VPS33B: variants seen among roughly 807,000 people sequenced by gnomAD.
The protein encoded by VPS33B is VPS33B late endosome and lysosome associated, also known as vacuolar protein sorting-associated protein 33B.
Under a neutral mutation model 95.3 loss-of-function variants are expected in VPS33B, and 80 were observed. That is an observed-to-expected ratio of 0.84 (90% CI 0.70 to 1.01). The LOEUF is 1.01. VPS33B is among the 50% of genes least tolerant of loss of function. The pLI is 0.00. For missense variants in VPS33B, 715 were observed against 773.4 expected (o/e 0.92, Z 0.90); for synonymous variants, 280 against 280.4 (o/e 1.00, Z 0.01).
rs58230462 is a variant in VPS33B, at chr15:91,011,990, AAAAACAAAACAAAAC to A, written c.357+1799_357+1813del. On this transcript the variant is annotated intron_variant, in intron 5 of 22. Coordinates refer to ENST00000333371, the MANE Select transcript of VPS33B (RefSeq NM_018668.5). The surrounding 1 kb of genome is among the most constrained non-coding windows in gnomAD (Gnocchi z 5.5). ...GGTGACAGAGCAATGCACTGTCTCC[AAAAACAAAACAAAAC>A]AAAACAAAACAAAACAAGACAAGAC... Among the ~76,000 whole-genome samples the A allele has an allele frequency of 5.4e-5, 8 of 149,384 alleles. No homozygotes were observed. Among genetic ancestry groups the A allele is most frequent in the East Asian group, 2.0e-4 (1 of 4,968 alleles).
In VPS33B at chr15:91,006,534, T is replaced by A; in HGVS notation, c.779-89A>T. ...CTGCCATAAAGGTCCTCAAACTATT[T>A]GGAAGCCAGCAGTTCATTCAGGGTC... On this transcript the variant is annotated intron_variant, in intron 10 of 22. Transcript: ENST00000333371. The surrounding 1 kb of genome is among the most constrained non-coding windows in gnomAD (Gnocchi z 5.4). 1 of 1,609,910 alleles carries A rather than the reference T, an allele frequency of 6.2e-7. No homozygotes were observed. The highest frequency in any genetic ancestry group is 8.5e-7 in the Non-Finnish European group (1 of 1,176,230).
rs2040843493 is a variant in VPS33B at position 91,013,722 on chromosome 15, G to A, written c.357+82C>T. 8 of 1,399,442 alleles carry A rather than the reference G, an allele frequency of 5.7e-6. No individual in the cohort carries two copies. The highest frequency in any genetic ancestry group is 7.1e-6 in the Non-Finnish European group (7 of 986,022). 86.7% of individuals were successfully genotyped at this position (1,399,442 alleles called of 1,614,324 possible). ...AACAGAAAACGAACGGAGACAGGGAGGTAGTGCTGTTGGCCCCTTACCCCT... is the reference window on the plus strand; with the variant it reads ...AACAGAAAACGAACGGAGACAGGGAAGTAGTGCTGTTGGCCCCTTACCCCT... On this transcript the variant is annotated intron_variant, in intron 5 of 22. Coordinates refer to ENST00000333371, the MANE Select transcript of VPS33B (RefSeq NM_018668.5). This position sits in a 1 kb window ranked among gnomAD's most constrained non-coding sequence, Gnocchi z 4.5.
rs779022850 is a variant in VPS33B, at chr15:91,005,979, C to T, written c.933G>A (p.Gln311=). The part of the protein sequence containing the change: ...LSQKARNLQA[Q]YDRRRGMDIK... ...GCAGGGCTTGGAGCCTCACATCATA[C>T]TGGGCCTGCAAGTTCCGGGCCTTCT... The change falls in exon 12 of 23, where the codon CAG becomes CAA. Residue 311 remains glutamine, a synonymous_variant. Coordinates refer to ENST00000333371, the MANE Select transcript of VPS33B (RefSeq NM_018668.5). The surrounding 1 kb of genome is among the most constrained non-coding windows in gnomAD (Gnocchi z 6.4). 2.5e-6 allele frequency: 4 copies of T among 1,614,116 alleles called. No homozygotes were observed. The South Asian group carries it at 4.4e-5, about 18-fold the overall frequency.
At position 90,999,735 on chromosome 15, in the gene VPS33B, G is replaced by A. The variant is rs1756143881; in HGVS notation, c.1716C>T (p.Phe572=). The A allele has an allele frequency of 6.2e-7, 1 of 1,613,994 alleles. No individual in the cohort carries two copies. The highest frequency in any genetic ancestry group is 1.3e-5 in the African/African-American group (1 of 74,908). The change falls in exon 22 of 23, where the codon TTC becomes TTT. Residue 572 remains phenylalanine, a synonymous_variant. Coordinates refer to ENST00000333371, the MANE Select transcript of VPS33B (RefSeq NM_018668.5). The surrounding 1 kb of genome is among the most constrained non-coding windows in gnomAD (Gnocchi z 5.1). ...SESLRLILVV[F]LGGCTFSEIS... Reference sequence around the variant, plus strand: ...TCTCAGAGAATGTACAACCACCCAAGAACACCACCAAGATGAGGCGCAGGG... The same window carrying A: ...TCTCAGAGAATGTACAACCACCCAAAAACACCACCAAGATGAGGCGCAGGG...
chr15:91,017,686 C>A, intron 2 of VPS33B, 119 bp downstream of exon 2: 1 of 956,998 alleles, frequency 1.0e-6, no homozygotes. Context: ...CCTTTTCTAC[C>A]CAATTAAGCT....
chr15:91,008,535 G>A (rs895305094), intron 6 of VPS33B, among the ~76,000 whole-genome samples: 1 of 152,162 alleles, frequency 6.6e-6, no homozygotes, highest in Non-Finnish European at 1.5e-5. Context: ...AAAGTGCTGG[G>A]ATTACAGGTG....
chr15:91,000,480 A>G lies in VPS33B; in HGVS notation c.1581+10T>C. 3 of 1,607,950 alleles carry G rather than the reference A, an allele frequency of 1.9e-6. No homozygotes were observed. The highest frequency in any genetic ancestry group is 2.6e-6 in the Non-Finnish European group (3 of 1,175,198). On this transcript the variant is annotated intron_variant, in intron 20 of 22. Coordinates refer to ENST00000333371, the MANE Select transcript of VPS33B (RefSeq NM_018668.5). The surrounding 1 kb of genome is among the most constrained non-coding windows in gnomAD (Gnocchi z 4.9). ...AAATATGAATGGGAGCAAGAATTACATGCTCTCACCTGCTCAATGATTCGG... is the reference window on the plus strand; with the variant it reads ...AAATATGAATGGGAGCAAGAATTACGTGCTCTCACCTGCTCAATGATTCGG...
Position 91,013,063 on chromosome 15 carries a change from T to C in VPS33B, c.357+741A>G, listed in dbSNP as rs896398309. ...AGGGAGGGTGATGATTTATCGTATT[T>C]ATTCTTAAAGGGATACAGGGAGAAA... On this transcript the variant is annotated intron_variant, in intron 5 of 22. Coordinates refer to ENST00000333371, the MANE Select transcript of VPS33B (RefSeq NM_018668.5). This position sits in a 1 kb window ranked among gnomAD's most constrained non-coding sequence, Gnocchi z 4.5. Among the ~76,000 whole-genome samples, 3 of 152,178 alleles carry C rather than the reference T, an allele frequency of 2.0e-5. No homozygotes were observed. The highest frequency in any genetic ancestry group is 7.2e-5 in the African/African-American group (3 of 41,432).
rs751371703 is a variant in VPS33B, at chr15:91,005,933, C to G, written c.939+40G>C. ...CAAGGGCAGCAGCCTTGGGAAGCCACTGAGGCAACAAAACAGAGGAGCAGG... is the reference window on the plus strand; with the variant it reads ...CAAGGGCAGCAGCCTTGGGAAGCCAGTGAGGCAACAAAACAGAGGAGCAGG... On this transcript the variant is annotated intron_variant, in intron 12 of 22. Transcript: ENST00000333371. This position sits in a 1 kb window ranked among gnomAD's most constrained non-coding sequence, Gnocchi z 6.4. The G allele has an allele frequency of 3.1e-6, 5 of 1,612,572 alleles. No homozygotes were observed. Among genetic ancestry groups the G allele is most frequent in the South Asian group, 1.1e-5 (1 of 90,880 alleles).
In VPS33B at chr15:91,006,734, AAC is replaced by A. The variant is rs2040617319; in HGVS notation, c.701-7_701-6del. 4 of 1,614,156 alleles carry A rather than the reference AAC, an allele frequency of 2.5e-6. No homozygotes were observed. Among genetic ancestry groups the A allele is most frequent in the Non-Finnish European group, 3.4e-6 (4 of 1,180,014 alleles). Reference sequence around the variant, plus strand: ...GTGCTGTCACAAAGTCCACATCTGAAACAGAGATCCCTGACCATGAAGGTTCT... The same window carrying A: ...GTGCTGTCACAAAGTCCACATCTGAAAGAGATCCCTGACCATGAAGGTTCT... On this transcript the variant is annotated splice_region_variant and splice_polypyrimidine_tract_variant and intron_variant, in intron 9 of 22. Transcript: ENST00000333371. The surrounding 1 kb of genome is among the most constrained non-coding windows in gnomAD (Gnocchi z 5.4).
chr15:91,003,674 A>G (rs1294385763), intron 16 of VPS33B, among the ~76,000 whole-genome samples: 1 of 152,022 alleles, frequency 6.6e-6, no homozygotes, highest in Admixed American at 6.6e-5. Flanking sequence ...TCCTGATCTC[A>G]AGATCCGCCT....
At position 91,005,963 on chromosome 15, in the gene VPS33B, G is replaced by A. The variant is rs1486968682; in HGVS notation, c.939+10C>T. Reference sequence around the variant, plus strand: ...GCAACAAAACAGAGGAGCAGGGCTTGGAGCCTCACATCATACTGGGCCTGC... The same window carrying A: ...GCAACAAAACAGAGGAGCAGGGCTTAGAGCCTCACATCATACTGGGCCTGC... On this transcript the variant is annotated intron_variant, in intron 12 of 22. Transcript: ENST00000333371. This position sits in a 1 kb window ranked among gnomAD's most constrained non-coding sequence, Gnocchi z 6.4. The A allele has an allele frequency of 1.9e-6, 3 of 1,614,010 alleles. No homozygotes were observed. In the Admixed American group the frequency reaches 5.0e-5, roughly 27 times the overall value.
Position 91,009,718 on chromosome 15 carries a change from G to A in VPS33B, c.403+83C>T, listed in dbSNP as rs1218715707. On this transcript the variant is annotated intron_variant, in intron 6 of 22. Coordinates refer to ENST00000333371, the MANE Select transcript of VPS33B (RefSeq NM_018668.5). The surrounding 1 kb of genome is among the most constrained non-coding windows in gnomAD (Gnocchi z 4.1). ...AAAAGAAGGAGCTGGTGGTGGGGGT[G>A]GGGTGGGGGGGTTGGAGAACAACAA... 6 of 1,407,014 alleles carry A rather than the reference G, an allele frequency of 4.3e-6. No homozygotes were observed. The South Asian group carries it at 7.4e-5, about 17-fold the overall frequency. 87.2% of individuals were successfully genotyped at this position (1,407,014 alleles called of 1,614,324 possible). A position where few individuals can be genotyped will look rare whatever the true frequency, so the allele number is the denominator to read the frequency against.
rs1375674375 is a variant in VPS33B at position 91,009,167 on chromosome 15, G to C, written c.403+634C>G. ...GTGGGAGCCTTGGAAGGTGAGAAAA[G>C]AGTGGCTGGTCATTTCCAACTCTAA... On this transcript the variant is annotated intron_variant, in intron 6 of 22. Transcript: ENST00000333371. This position sits in a 1 kb window ranked among gnomAD's most constrained non-coding sequence, Gnocchi z 4.1. Among the ~76,000 whole-genome samples, 1 of 152,178 alleles carries C rather than the reference G, an allele frequency of 6.6e-6. No homozygotes were observed. Among genetic ancestry groups the C allele is most frequent in the African/African-American group, 2.4e-5 (1 of 41,430 alleles).
chr15:91,002,299 A>G lies in VPS33B; in HGVS notation c.1273-117T>C. ...CCTCTGCTGCAGTGTGAAGGAGCTC[A>G]CACTTTGTTGAGATAAATTTTCACA... On this transcript the variant is annotated intron_variant, in intron 17 of 22. Coordinates refer to ENST00000333371, the MANE Select transcript of VPS33B (RefSeq NM_018668.5). This position sits in a 1 kb window ranked among gnomAD's most constrained non-coding sequence, Gnocchi z 4.7. The G allele has an allele frequency of 7.0e-7, 1 of 1,436,784 alleles. No individual in the cohort carries two copies. The highest frequency in any genetic ancestry group is 1.4e-5 in the African/African-American group (1 of 71,348). The allele number at this position is 1,436,784 out of a possible 1,614,324, so 89.0% of individuals were successfully genotyped here.
In VPS33B at chr15:91,012,543, C is replaced by T. The variant is rs140888524; in HGVS notation, c.357+1261G>A. ...ACAGCCTGGTTTCAGAGGCTTCAGT[C>T]CTTAGTTACTGCCTCTATTTTCTCT... is the stretch of plus-strand genomic sequence containing the variant. On this transcript the variant is annotated intron_variant, in intron 5 of 22. Coordinates refer to ENST00000333371, the MANE Select transcript of VPS33B (RefSeq NM_018668.5). Among the ~76,000 whole-genome samples, 682 of 152,272 alleles carry T rather than the reference C, an allele frequency of 4.5e-3. 5 individuals carry two copies. The highest frequency in any genetic ancestry group is 0.016 in the African/African-American group (656 of 41,538).
rs780626848 is a variant in VPS33B, at chr15:91,003,111, G to A, written c.1246C>T (p.Arg416Ter). The change falls in exon 17 of 23, where the codon CGA becomes TGA. Residue 416 changes from arginine to a stop codon, truncating the protein, a stop_gained. Transcript: ENST00000333371. LOFTEE classifies it high-confidence loss of function. ...TGCAGATACTGTGTTTTCAGAGATC[G>A]GTAATCCTTGGGGATCAAACCTAAG... Reference protein sequence around the residue: ...TENGLIPKDYRSLKTQYLQSY... With the variant: ...TENGLIPKDY The A allele has an allele frequency of 3.7e-6, 6 of 1,614,134 alleles. No individual in the cohort carries two copies. Among genetic ancestry groups the A allele is most frequent in the Admixed American group, 1.7e-5 (1 of 60,008 alleles).
Position 91,009,847 on chromosome 15 carries a change from C to T in VPS33B, c.358-1G>A. 2 of 1,614,138 alleles carry T rather than the reference C, an allele frequency of 1.2e-6. No individual in the cohort carries two copies. Among genetic ancestry groups the T allele is most frequent in the South Asian group, 2.2e-5 (2 of 91,076 alleles). ...CAAGCACCATCTCACACGCATAGAA[C>T]TGAAAGAGAAAAGGAAATTGATTAG... On this transcript the variant is annotated splice_acceptor_variant, in intron 5 of 22. Coordinates refer to ENST00000333371, the MANE Select transcript of VPS33B (RefSeq NM_018668.5). LOFTEE classifies it high-confidence loss of function. This position sits in a 1 kb window ranked among gnomAD's most constrained non-coding sequence, Gnocchi z 4.1.
chr15:91,020,240 T>G lies in VPS33B; in HGVS notation c.96+1914A>C, dbSNP rs573831948. ...CATTTTCTATAATGTGCAAGTGTTA[T>G]TTTATAATCACCATAAAAAAGTTAT... is the stretch of plus-strand genomic sequence containing the variant. On this transcript the variant is annotated intron_variant, in intron 1 of 22. Coordinates refer to ENST00000333371, the MANE Select transcript of VPS33B (RefSeq NM_018668.5). Among the ~76,000 whole-genome samples the G allele has an allele frequency of 6.6e-5, 10 of 152,372 alleles. No individual in the cohort carries two copies. The East Asian group carries it at 1.9e-3, about 29-fold the overall frequency.
Sources: allele counts gnomAD v4.1 joint callset (sites outside exome capture counted in the v4.1 genomes callset), GRCh38; gene constraint gnomAD v4.1.1; non-coding constraint Gnocchi (gnomAD v3.1); transcripts MANE v1.5; gene names NCBI Gene and HGNC (gene_info 2026-07-23, HGNC 2026-07-21).